The following MEPE variants were observed in gnomAD, a reference collection of about 807,000 sequenced individuals.
The protein encoded by MEPE is matrix, extracellular phosphoglycoprotein with ASARM motif (bone).
A neutral mutation model predicts 7.3 loss-of-function variants in MEPE; 7 were observed. The ratio of observed to expected loss-of-function variants is 0.95; its 90% CI spans 0.54 to 1.79. The LOEUF (loss-of-function observed/expected upper bound fraction) is 1.79, where lower values mean the gene tolerates loss of function less well. Among genes scored for constraint, MEPE ranks in the 40% most tolerant of loss-of-function variants. The probability of loss-of-function intolerance (pLI) is 0.00; values close to 1 mark genes in which losing one functional copy is unlikely to be tolerated. For synonymous variants in MEPE, 214 were observed against 213.1 expected, an observed-to-expected ratio of 1.00 and a Z score of -0.04; for missense variants, 623 against 628.2, an observed-to-expected ratio of 0.99 and a Z score of 0.09.
chr4:87,841,752 C>T (rs186966218), intron 3 of MEPE, among the ~76,000 whole-genome samples: 6 of 152,282 alleles, frequency 3.9e-5, no homozygotes, highest in East Asian at 1.9e-4. Flanking sequence ...ATCCCATCGA[C>T]GGCTACAAGC....
At chr4:87,833,514 T>A (rs1273531679) in intron 1 of MEPE, among the ~76,000 whole-genome samples, 1 of 152,204 alleles carries the variant, frequency 6.6e-6, no homozygotes, top group African/African-American at 2.4e-5. Context: ...TTAGAATATA[T>A]TTAATAGTTA....
At chr4:87,822,104 G>A (rs931379196) in intron 1 of MEPE, among the ~76,000 whole-genome samples, 6 of 152,146 alleles carry the variant, frequency 3.9e-5, no homozygotes, top group South Asian at 4.2e-4. Flanking sequence ...TGTCTCACCC[G>A]ACTTTCCCGC....
intron 1 of MEPE, among the ~76,000 whole-genome samples, chr4:87,823,268 A>G (rs116479963): frequency 0.012 from 1,862 of 152,094 alleles, 24 homozygotes; most frequent in Middle Eastern, 0.031. Context: ...CTCAAAGATG[A>G]CTCTGCCCTT....
upstream of MEPE, among the ~76,000 whole-genome samples, chr4:87,829,656 C>A (rs948166461): frequency 6.6e-6 from 1 of 152,198 alleles, no homozygotes; most frequent in East Asian, 1.9e-4. Flanking sequence ...GCATTATATA[C>A]ACATTATTAT....
Position 87,845,019 on chromosome 4 carries a change from G to A in MEPE, c.151G>A (p.Gly51Ser). Residue 51 changes from glycine (G) to serine (S), a missense_variant, in exon 4 of 4, where the codon GGC becomes AGC. Coordinates refer to ENST00000361056, the MANE Select transcript of MEPE (RefSeq NM_020203.6). ...NKDNIGFHHL[G>S]KRINQELSSK... Reference sequence around the variant, plus strand: ...AGACAATATTGGTTTTCACCATTTGGGCAAGAGAATAAATCAAGAGCTATC... The same window carrying A: ...AGACAATATTGGTTTTCACCATTTGAGCAAGAGAATAAATCAAGAGCTATC... 1 of 1,597,946 alleles carries A rather than the reference G, an allele frequency of 6.3e-7. No individual in the cohort carries two copies. Among genetic ancestry groups the A allele is most frequent in the Non-Finnish European group, 8.5e-7 (1 of 1,174,926 alleles).
Position 87,845,549 on chromosome 4 carries a change from A to G in MEPE, c.681A>G (p.Ser227=), listed in dbSNP as rs200287337. 1 of 1,611,856 alleles carries G rather than the reference A, an allele frequency of 6.2e-7. No individual in the cohort carries two copies. Among genetic ancestry groups the G allele is most frequent in the African/African-American group, 1.3e-5 (1 of 74,634 alleles). ...QHNIDYLKHL[S]KVKKIPSDFE... is the part of the protein sequence containing the mutation. ...ACATTGACTACCTAAAACATCTCTC[A>G]AAAGTCAAAAAAATCCCCAGTGATT... The change falls in exon 4 of 4, where the codon TCA becomes TCG. Residue 227 remains serine, a synonymous_variant. Coordinates refer to ENST00000361056, the MANE Select transcript of MEPE (RefSeq NM_020203.6).
chr4:87,826,534 A>G (rs748330701), intron 1 of MEPE, among the ~76,000 whole-genome samples: 2 of 151,976 alleles, frequency 1.3e-5, no homozygotes, highest in African/African-American at 4.8e-5. Context: ...GTCAAGTGGT[A>G]TTTCTGCCTC....
chr4:87,830,538 T>C (rs1342955074), upstream of MEPE, among the ~76,000 whole-genome samples: 6 of 152,018 alleles, frequency 3.9e-5, no homozygotes, highest in Non-Finnish European at 7.4e-5. Context: ...TAAGAACTTA[T>C]GAACACAAAG....
rs1723154096 is a variant in MEPE at position 87,844,959 on chromosome 4, T to C, written c.109-18T>C. The C allele has an allele frequency of 6.7e-7, 1 of 1,501,556 alleles. No individual in the cohort carries two copies. Among genetic ancestry groups the C allele is most frequent in the Non-Finnish European group, 8.9e-7 (1 of 1,122,924 alleles). The allele number at this position is 1,501,556 out of a possible 1,614,324, so 93.0% of individuals were successfully genotyped here. ...TTTTACATAAAATAATCACTTCATA[T>C]TGAAAATTGTATTTTAGCAGGAAGA... is the stretch of plus-strand genomic sequence containing the variant. On this transcript the variant is annotated intron_variant, in intron 3 of 3. Transcript: ENST00000361056.
chr4:87,823,361 T>C (rs1453053874), intron 1 of MEPE, among the ~76,000 whole-genome samples: 4 of 152,208 alleles, frequency 2.6e-5, no homozygotes, highest in Admixed American at 1.3e-4. Context: ...CAATATCCTC[T>C]GCAGCTGGTA....
At chr4:87,839,411 T>C (rs1471827971) in intron 3 of MEPE, among the ~76,000 whole-genome samples, 1 of 152,150 alleles carries the variant, frequency 6.6e-6, no homozygotes, top group East Asian at 1.9e-4. Context: ...CATAGACGTT[T>C]GGTAATAAAA....
upstream of MEPE, among the ~76,000 whole-genome samples, chr4:87,831,585 G>A (rs1722600311): frequency 6.6e-6 from 1 of 152,128 alleles, no homozygotes; most frequent in South Asian, 2.1e-4. Context: ...GAGCTTCCTA[G>A]CCATTCTCTC....
At chr4:87,843,790 C>G (rs540137923) in intron 3 of MEPE, among the ~76,000 whole-genome samples, 2 of 152,168 alleles carry the variant, frequency 1.3e-5, no homozygotes, top group Non-Finnish European at 2.9e-5. Flanking sequence ...CTCCTTCTCC[C>G]TCTAATATGG....
At chr4:87,826,651 T>G (rs1722478089) in intron 1 of MEPE, among the ~76,000 whole-genome samples, 1 of 152,190 alleles carries the variant, frequency 6.6e-6, no homozygotes, top group African/African-American at 2.4e-5. Context: ...CACCAACATC[T>G]GTTGTTTTTT....
At chr4:87,829,054 T>G (rs1722537263), upstream of MEPE, among the ~76,000 whole-genome samples, 1 of 152,154 alleles carries the variant, frequency 6.6e-6, no homozygotes. Context: ...TTAGGAAACT[T>G]ATATTGAGTT....
Position 87,835,952 on chromosome 4 carries a change from G to A in MEPE, c.54+1184G>A, listed in dbSNP as rs1016167817. ...CAGTGACCACTGATCAGAAGAGGAT[G>A]CCAGCTTTCCTGCCCAGAGGCAGAC... On this transcript the variant is annotated intron_variant, in intron 2 of 3. Transcript: ENST00000361056. Among the ~76,000 whole-genome samples the A allele has an allele frequency of 3.3e-5, 5 of 152,172 alleles. No homozygotes were observed. The East Asian group carries it at 9.7e-4, about 30-fold the overall frequency.
At chr4:87,840,471 T>C (rs1462884043) in intron 3 of MEPE, among the ~76,000 whole-genome samples, 1 of 152,228 alleles carries the variant, frequency 6.6e-6, no homozygotes, top group Non-Finnish European at 1.5e-5. Flanking sequence ...CGATATCCTT[T>C]AGATGACATC....
rs1054589037 is a variant in MEPE, at chr4:87,845,005, G to T, written c.137G>T (p.Gly46Val). ...RQEEKNKDNI[G>V]FHHLGKRINQ... ...GAAGAAAAAAACAAAGACAATATTG[G>T]TTTTCACCATTTGGGCAAGAGAATA... The change falls in exon 4 of 4, where the codon GGT becomes GTT. Residue 46 changes from glycine (G) to valine (V), a missense_variant. Physicochemically the swap from Gly to Val is moderately radical, Grantham distance 109 (BLOSUM62 -3). Transcript: ENST00000361056. The T allele has an allele frequency of 1.3e-6, 2 of 1,583,048 alleles. No individual in the cohort carries two copies. Among genetic ancestry groups the T allele is most frequent in the African/African-American group, 1.4e-5 (1 of 73,348 alleles).
chr4:87,844,867 AG>A, intron 3 of MEPE, 109 bp from the exon 4 acceptor site: 1 of 855,120 alleles, frequency 1.2e-6, no homozygotes. Flanking sequence ...TTGAGTTAAT[AG>A]ATCCTTTTTA....
Sources: allele counts gnomAD v4.1 joint callset (sites outside exome capture counted in the v4.1 genomes callset), GRCh38; gene constraint gnomAD v4.1.1; transcripts MANE v1.5; gene names NCBI Gene and HGNC (gene_info 2026-07-23, HGNC 2026-07-21).